Variants in CHL1 observed in about 807,000 individuals in gnomAD.
CHL1 encodes cell adhesion molecule L1 like.
Under a neutral mutation model 141.9 loss-of-function variants are expected in CHL1, and 96 were observed. The ratio of observed to expected loss-of-function variants is 0.68; its 90% CI spans 0.57 to 0.80. CHL1 has a LOEUF of 0.80. Among genes scored for constraint, CHL1 ranks in the 30% least tolerant of loss-of-function variants. The pLI is 0.00. For missense variants in CHL1, 1,820 were observed against 1,457.2 expected, an observed-to-expected ratio of 1.25 and a Z score of -4.05; for synonymous variants, 613 against 502.2, an observed-to-expected ratio of 1.22 and a Z score of -2.95.
chr3:388,668 G>A (rs893698830), intron 19 of CHL1, among the ~76,000 whole-genome samples: 2 of 151,520 alleles, frequency 1.3e-5, no homozygotes, highest in African/African-American at 4.8e-5. Context: ...AATGGTCAAG[G>A]AGCTGGGAAA....
intron 1 of CHL1, among the ~76,000 whole-genome samples, chr3:238,391 A>G (rs965909608): frequency 4.0e-5 from 6 of 151,118 alleles, no homozygotes; most frequent in South Asian, 2.1e-4. Flanking sequence ...TTAAAGATCA[A>G]TTGAGATCAG....
intron 23 of CHL1, among the ~76,000 whole-genome samples, chr3:392,487 C>G (rs1479934390): frequency 6.6e-6 from 1 of 152,180 alleles, no homozygotes; most frequent in Non-Finnish European, 1.5e-5. Flanking sequence ...TAGATGAGAT[C>G]AGGTCGTTTT....
chr3:358,270 A>G (rs1703893795), intron 11 of CHL1, among the ~76,000 whole-genome samples: 1 of 151,980 alleles, frequency 6.6e-6, no homozygotes, highest in African/African-American at 2.4e-5. Flanking sequence ...CCCTTCCGCC[A>G]TTTTGAAAGC....
At chr3:202,809 G>T (rs1042284288) in intron 1 of CHL1, among the ~76,000 whole-genome samples, 2 of 152,154 alleles carry the variant, frequency 1.3e-5, no homozygotes, top group African/African-American at 4.8e-5. Flanking sequence ...GATCTCAAAT[G>T]TGCTTTTCAT....
At chr3:325,850 C>A in intron 3 of CHL1, 109 bp from the exon 4 acceptor site, 1 of 607,072 alleles carries the variant, frequency 1.6e-6, no homozygotes, top group East Asian at 3.0e-5. Flanking sequence ...ACTTTTGTAT[C>A]ATCCTTTCAC....
intron 23 of CHL1, among the ~76,000 whole-genome samples, chr3:394,259 T>C (rs571447189): frequency 6.6e-6 from 1 of 152,282 alleles, no homozygotes; most frequent in East Asian, 1.9e-4. Flanking sequence ...AAGACACAAA[T>C]AAATTATCAT....
intron 1 of CHL1, among the ~76,000 whole-genome samples, chr3:222,155 T>G (rs1276935135): frequency 6.6e-6 from 1 of 152,210 alleles, no homozygotes; most frequent in Non-Finnish European, 1.5e-5. Flanking sequence ...TCCTCAAATT[T>G]AGTGGCTTAA....
intron 1 of CHL1, among the ~76,000 whole-genome samples, chr3:215,234 A>G (rs1700219795): frequency 6.6e-6 from 1 of 152,200 alleles, no homozygotes; most frequent in Admixed American, 6.5e-5. Flanking sequence ...ACTCAGCCAT[A>G]ATAAGAATGA....
Position 349,416 on chromosome 3 carries a change from A to C in CHL1, c.906A>C (p.Glu302Asp). The C allele has an allele frequency of 6.2e-7, 1 of 1,614,054 alleles. No homozygotes were observed. Among genetic ancestry groups the C allele is most frequent in the Non-Finnish European group, 8.5e-7 (1 of 1,179,914 alleles). The change falls in exon 10 of 28, where the codon GAA becomes GAC. Residue 302 changes from glutamate to aspartate, a missense_variant. By Grantham distance (45) the Glu-to-Asp change is conservative. Transcript: ENST00000256509. ...GTGGTGACTTACCAAAGGGGAGAGA[A>C]ACAAAAGAAAATTATGGCAAGACTT... ...KIGGDLPKGR[E>D]TKENYGKTLK...
chr3:301,013 G>A (rs561037215), intron 2 of CHL1, among the ~76,000 whole-genome samples: 1 of 152,254 alleles, frequency 6.6e-6, no homozygotes, highest in Admixed American at 6.5e-5. Flanking sequence ...AGAGTCCAGA[G>A]CACTCAGAAT....
intron 27 of CHL1, among the ~76,000 whole-genome samples, chr3:402,373 C>T (rs909219802): frequency 3.9e-5 from 6 of 152,262 alleles, no homozygotes; most frequent in Admixed American, 1.3e-4. Flanking sequence ...AGGAATCTTT[C>T]GGGGACGTGT....
chr3:312,172 C>T (rs1699802519), intron 2 of CHL1, among the ~76,000 whole-genome samples: 1 of 152,022 alleles, frequency 6.6e-6, no homozygotes, highest in Non-Finnish European at 1.5e-5. Flanking sequence ...ATTAGTTTAT[C>T]CCACATCATT....
intron 1 of CHL1, among the ~76,000 whole-genome samples, chr3:205,729 G>A (rs1437990592): frequency 2.0e-5 from 3 of 152,082 alleles, no homozygotes; most frequent in Admixed American, 6.6e-5. Context: ...TTTATTGATC[G>A]CCACTTTGTG....
In CHL1 at chr3:369,558, C is replaced by G. The variant is rs184577656; in HGVS notation, c.1751+3443C>G. On this transcript the variant is annotated intron_variant, in intron 15 of 27. Coordinates refer to ENST00000256509, the MANE Select transcript of CHL1 (RefSeq NM_006614.4). ...TGTCATCTGCAAACAGACAATTTGA[C>G]TTCCTCTCTTCCTATATGAATACCC... Among the ~76,000 whole-genome samples, 508 of 152,356 alleles carry G rather than the reference C, an allele frequency of 3.3e-3. 1 individual carries two copies. Among genetic ancestry groups the G allele is most frequent in the Non-Finnish European group, 4.7e-3 (322 of 68,038 alleles).
intron 11 of CHL1, 27 bp from the exon 12 acceptor site, chr3:360,257 A>C: frequency 6.2e-7 from 1 of 1,612,168 alleles, no homozygotes; most frequent in South Asian, 1.1e-5. Flanking sequence ...GTTCCTTATC[A>C]AACTGACATT....
At chr3:217,845 A>G (rs1700457081) in intron 1 of CHL1, 1 of 152,246 alleles carries the variant, frequency 6.6e-6, no homozygotes, top group East Asian at 1.9e-4. Flanking sequence ...TTATATATAC[A>G]AACAAAACAA....
At chr3:404,083 C>G (rs1177246350) in intron 27 of CHL1, among the ~76,000 whole-genome samples, 1 of 152,182 alleles carries the variant, frequency 6.6e-6, no homozygotes, top group Non-Finnish European at 1.5e-5. Flanking sequence ...CAGAGATTGC[C>G]CTTTTCATCT....
chr3:338,512 T>C (rs1482582610), intron 5 of CHL1, among the ~76,000 whole-genome samples: 3 of 152,194 alleles, frequency 2.0e-5, no homozygotes, highest in Non-Finnish European at 2.9e-5. Flanking sequence ...AGTTCACATT[T>C]ATCTGTGAGT....
intron 12 of CHL1, 53 bp from the exon 13 acceptor site, chr3:361,646 C>T: frequency 2.5e-6 from 3 of 1,221,238 alleles, no homozygotes; most frequent in Non-Finnish European, 2.4e-6. Context: ...ATTTAATTTG[C>T]ATATCTTTCT....
Sources: gnomAD v4.1 joint callset for allele counts (sites outside exome capture counted in the v4.1 genomes callset) on GRCh38, gnomAD v4.1.1 for gene constraint, MANE v1.5 for transcripts, NCBI Gene and HGNC (gene_info 2026-07-23, HGNC 2026-07-21) for gene names.